Variants in JADE3 observed in about 807,000 individuals in gnomAD.
The protein encoded by JADE3 is protein Jade-3.
Under a neutral mutation model 50.1 loss-of-function variants are expected in JADE3, and 2 were observed. That is an observed-to-expected ratio of 0.04 (90% CI 0.02 to 0.13). The LOEUF is 0.13. Ranked by LOEUF, JADE3 falls within the 10% of genes least tolerant of loss-of-function variation. The probability of loss-of-function intolerance (pLI) is 1.00; values close to 1 mark genes in which losing one functional copy is unlikely to be tolerated. For missense variants in JADE3, 475 were observed against 634.4 expected, an observed-to-expected ratio of 0.75 and a Z score of 2.70; for synonymous variants, 218 against 232.9, an observed-to-expected ratio of 0.94 and a Z score of 0.58.
intron 1 of JADE3, among the ~76,000 whole-genome samples, chrX:46,977,327 C>G (rs373465265): frequency 8.9e-6 from 1 of 111,960 alleles, no homozygotes; most frequent in East Asian, 2.8e-4. Context: ...CCACTGCACT[C>G]TAGCCTGGGT....
chrX:46,952,517 C>A (rs1927027232), intron 1 of JADE3, among the ~76,000 whole-genome samples: 1 of 112,042 alleles, frequency 8.9e-6, no homozygotes, highest in African/African-American at 3.2e-5. Context: ...GGAGGCCTTC[C>A]CAGGAGTTTG....
chrX:47,017,353 G>C (rs1199055947), intron 4 of JADE3, among the ~76,000 whole-genome samples: 1 of 112,042 alleles, frequency 8.9e-6, no homozygotes, highest in Non-Finnish European at 1.9e-5. Context: ...GAAGGATTTT[G>C]AGTCATTAAC....
At chrX:46,917,991 A>C (rs1368874261) in intron 1 of JADE3, among the ~76,000 whole-genome samples, 2 of 110,603 alleles carry the variant, frequency 1.8e-5, no homozygotes, top group African/African-American at 6.6e-5. Context: ...TCAGTGTCCC[A>C]CCTTGCAATC....
chrX:46,935,043 C>T (rs899812839), intron 1 of JADE3, among the ~76,000 whole-genome samples: 7 of 111,499 alleles, frequency 6.3e-5, no homozygotes, highest in African/African-American at 2.0e-4. Flanking sequence ...AAGCCATTCT[C>T]GTGCCTCAGC....
intron 8 of JADE3, among the ~76,000 whole-genome samples, chrX:47,040,782 A>T (rs1321655716): frequency 1.8e-5 from 2 of 111,027 alleles, no homozygotes; most frequent in African/African-American, 6.5e-5. Flanking sequence ...GTCTGGCATG[A>T]TAATATTTTC....
chrX:46,998,919 G>A (rs782321219), intron 4 of JADE3, among the ~76,000 whole-genome samples: 2 of 110,363 alleles, frequency 1.8e-5, no homozygotes, highest in African/African-American at 6.6e-5. Context: ...GGCCGTTCTT[G>A]AACTCCTGAC....
At chrX:46,930,074 C>G (rs1926458016) in intron 1 of JADE3, among the ~76,000 whole-genome samples, 1 of 112,249 alleles carries the variant, frequency 8.9e-6, no homozygotes, top group African/African-American at 3.2e-5. Flanking sequence ...GTCTGTTTCT[C>G]TACTCCTTGA....
chrX:46,962,453 T>C (rs1245568765), intron 1 of JADE3, among the ~76,000 whole-genome samples: 7 of 111,792 alleles, frequency 6.3e-5, no homozygotes, highest in Non-Finnish European at 9.4e-5. Flanking sequence ...TGCTCAGATC[T>C]GATCTAGAAA....
At position 47,059,870 on chromosome X, in the gene JADE3, A is replaced by G. The variant is rs1929727489; in HGVS notation, c.*793A>G. 2 of 112,263 alleles carry G rather than the reference A, an allele frequency of 1.8e-5. No individual in the cohort carries two copies. The highest frequency in any genetic ancestry group is 3.8e-5 in the Non-Finnish European group (2 of 53,231). 9.3% of individuals were successfully genotyped at this position (112,263 alleles called of 1,213,427 possible). On this transcript the variant is annotated 3_prime_UTR_variant, in exon 11 of 11. Coordinates refer to ENST00000614628, the MANE Select transcript of JADE3 (RefSeq NM_014735.5). The stretch of plus-strand genomic sequence containing the variant: ...CCCAAAGTGAGACCATTTCTGGGGT[A>G]TTTGTACCAGGTCAGGGTTTTTGTG...
intron 7 of JADE3, among the ~76,000 whole-genome samples, chrX:47,038,540 G>A (rs1488661898): frequency 1.8e-5 from 2 of 108,744 alleles, no homozygotes; most frequent in Non-Finnish European, 3.8e-5. Flanking sequence ...TAATTAGCCA[G>A]GTGTGGTAGA....
In JADE3 at chrX:46,998,200, T is replaced by G; in HGVS notation, c.207T>G (p.Ala69=). Residue 69 remains alanine, a synonymous_variant, in exon 4 of 11, where the codon GCT becomes GCG. Coordinates refer to ENST00000614628, the MANE Select transcript of JADE3 (RefSeq NM_014735.5). ...ATCCTGATAGCTATTACCTCTTTGC[T>G]GATACATGGAAGGAAGAATGGGAAA... The part of the protein sequence containing the change: ...HINPDSYYLF[A]DTWKEEWEKG... 8.3e-7 allele frequency: 1 copy of G among 1,205,581 alleles called. No individual in the cohort carries two copies. The highest frequency in any genetic ancestry group is 1.1e-6 in the Non-Finnish European group (1 of 890,441).
At chrX:47,026,653 CT>C (rs1478822080) in intron 5 of JADE3, among the ~76,000 whole-genome samples, 7 of 111,291 alleles carry the variant, frequency 6.3e-5, no homozygotes, top group Non-Finnish European at 1.1e-4. Context: ...TTAAAGTAAA[CT>C]TTTTAAAAAC....
chrX:46,983,571 C>A (rs1350098685), intron 1 of JADE3, among the ~76,000 whole-genome samples: 1 of 111,062 alleles, frequency 9.0e-6, no homozygotes, highest in Non-Finnish European at 1.9e-5. Flanking sequence ...CCTGTTCTTC[C>A]CAGGAAGAAA....
chrX:46,936,038 A>C (rs1187379766), intron 1 of JADE3, among the ~76,000 whole-genome samples: 1 of 74,259 alleles, frequency 1.3e-5, no homozygotes, highest in Non-Finnish European at 2.5e-5. Flanking sequence ...TTTTTTTTTG[A>C]GATAGAGTCT....
At chrX:46,978,353 G>A (rs1602393198) in intron 1 of JADE3, among the ~76,000 whole-genome samples, 1 of 111,858 alleles carries the variant, frequency 8.9e-6, no homozygotes, top group South Asian at 3.7e-4. Context: ...CAAGTGAGGT[G>A]CTTCTTTGCA....
intron 1 of JADE3, among the ~76,000 whole-genome samples, chrX:46,914,370 A>G (rs1360165780): frequency 8.9e-6 from 1 of 112,087 alleles, no homozygotes; most frequent in Non-Finnish European, 1.9e-5. Context: ...CTTTTGTAGC[A>G]TCATGTGATT....
chrX:46,984,980 A>G (rs1927831951), intron 2 of JADE3, 40 bp downstream of exon 2: 1 of 1,062,350 alleles, frequency 9.4e-7, no homozygotes, highest in Admixed American at 2.2e-5. Flanking sequence ...CTTTCTATCT[A>G]TATCCCTTGA....
chrX:46,952,660 C>G (rs1487922920), intron 1 of JADE3, among the ~76,000 whole-genome samples: 1 of 111,915 alleles, frequency 8.9e-6, no homozygotes, highest in Non-Finnish European at 1.9e-5. Context: ...TACACTGCCT[C>G]TAGGGCACAA....
chrX:47,049,072 G>GAA (rs1188595720), intron 8 of JADE3, among the ~76,000 whole-genome samples: 6 of 111,094 alleles, frequency 5.4e-5, no homozygotes, highest in Admixed American at 2.9e-4. Flanking sequence ...GGTTACAGTG[G>GAA]AAATAAGTGA....
Sources: gnomAD v4.1 joint callset for allele counts (sites outside exome capture counted in the v4.1 genomes callset) on GRCh38, gnomAD v4.1.1 for gene constraint, MANE v1.5 for transcripts, NCBI Gene and HGNC (gene_info 2026-07-23, HGNC 2026-07-21) for gene names.